Variants in GGT5 observed in about 807,000 individuals in gnomAD.
The protein encoded by GGT5 is gamma-glutamyltransferase 5, also known as glutathione hydrolase 5 proenzyme.
In GGT5, 50 loss-of-function variants were observed where a neutral mutation model predicts 58.1. That is an observed-to-expected ratio of 0.86 (90% confidence interval 0.69 to 1.09). GGT5 has a LOEUF of 1.09. Ranked by LOEUF, GGT5 falls within the 50% of genes least tolerant of loss-of-function variation. GGT5 has a pLI of 0.00. For missense variants in GGT5, 800 were observed against 789.4 expected (o/e 1.01, Z -0.16); for synonymous variants, 370 against 346.1 (o/e 1.07, Z -0.77).
intron 6 of GGT5, among the ~76,000 whole-genome samples, chr22:24,230,976 G>A (rs565007914): frequency 5.4e-4 from 82 of 152,304 alleles, no homozygotes; most frequent in Middle Eastern, 3.4e-3. Flanking sequence ...TTAAGCCAGC[G>A]CAGGCAGCCC....
chr22:24,236,566 A>G (rs1186274092), intron 1 of GGT5, among the ~76,000 whole-genome samples: 1 of 152,076 alleles, frequency 6.6e-6, no homozygotes, highest in East Asian at 1.9e-4. Context: ...GATTGAGACC[A>G]TCCTGGCTAA....
At chr22:24,233,692 C>T in intron 2 of GGT5, 99 bp from the exon 3 acceptor site, 2 of 871,974 alleles carry the variant, frequency 2.3e-6, no homozygotes, top group Non-Finnish European at 3.6e-6. Context: ...GAGATGGACT[C>T]TGGGCTAACA....
chr22:24,222,906 T>A (rs7286276), intron 11 of GGT5, among the ~76,000 whole-genome samples: 2 of 151,272 alleles, frequency 1.3e-5, no homozygotes, highest in East Asian at 3.9e-4. Flanking sequence ...TGAAACCCTG[T>A]CTCTACTAAA....
chr22:24,232,826 A>T lies in GGT5; in HGVS notation c.593T>A (p.Leu198Gln). The T allele has an allele frequency of 6.6e-7, 1 of 1,517,342 alleles. No homozygotes were observed. Among genetic ancestry groups the T allele is most frequent in the Non-Finnish European group, 8.9e-7 (1 of 1,126,822 alleles). 94.0% of individuals were successfully genotyped at this position (1,517,342 alleles called of 1,614,324 possible). ...AGGGCCACCATGTGGGGCTCACCGC[A>T]GGGTTGACGCCTGCAAGGAAGGCCG... ...ILRPSLQAST[L>Q]RQLFFNGTEP... Residue 198 changes from leucine (L) to glutamine (Q), a missense_variant, in exon 4 of 12, where the codon CTG becomes CAG. Leu to Gln is a moderately radical substitution (Grantham distance 113). Coordinates refer to ENST00000327365, the MANE Select transcript of GGT5 (RefSeq NM_004121.5).
chr22:24,225,509 G>C (rs370949394), intron 9 of GGT5, 37 bp downstream of exon 9: 1 of 1,575,706 alleles, frequency 6.3e-7, no homozygotes, highest in Non-Finnish European at 8.7e-7. Context: ...CTGGTGGGGG[G>C]CCCTTGTGGA....
At chr22:24,240,080 CCTCT>C (rs1243191767) in intron 1 of GGT5, among the ~76,000 whole-genome samples, 2 of 152,006 alleles carry the variant, frequency 1.3e-5, no homozygotes, top group Non-Finnish European at 2.9e-5. Flanking sequence ...AGCAAGACTC[CCTCT>C]ATCTCAAGAA....
At position 24,244,738 on chromosome 22, in the gene GGT5, CAGG is replaced by C; in HGVS notation, c.-16_-14del. 2 of 1,597,940 alleles carry C rather than the reference CAGG, an allele frequency of 1.3e-6. No individual in the cohort carries two copies. Among genetic ancestry groups the C allele is most frequent in the Non-Finnish European group, 1.7e-6 (2 of 1,170,894 alleles). ...AGCCCCGGGCCATGGCTCTGCAGCC[CAGG>C]AGGAGAGGGGCGGCTGGTGGGCAGA... On this transcript the variant is annotated 5_prime_UTR_variant, in exon 1 of 12. Coordinates refer to ENST00000327365, the MANE Select transcript of GGT5 (RefSeq NM_004121.5).
At chr22:24,235,540 G>A (rs535993390) in intron 1 of GGT5, among the ~76,000 whole-genome samples, 1 of 152,244 alleles carries the variant, frequency 6.6e-6, no homozygotes, top group South Asian at 2.1e-4. Flanking sequence ...TGAGCCACAT[G>A]TCCCTCTCTG....
chr22:24,224,641 T>C (rs1245194366), intron 11 of GGT5, among the ~76,000 whole-genome samples: 1 of 152,126 alleles, frequency 6.6e-6, no homozygotes, highest in Non-Finnish European at 1.5e-5. Context: ...TTGCAAATAT[T>C]AGTTACAAAT....
intron 6 of GGT5, among the ~76,000 whole-genome samples, chr22:24,228,715 G>A (rs1410672386): frequency 6.6e-6 from 1 of 152,066 alleles, no homozygotes; most frequent in African/African-American, 2.4e-5. Context: ...CTCCCAAAGT[G>A]CTGGGATTAC....
At chr22:24,239,991 C>G (rs920275178) in intron 1 of GGT5, among the ~76,000 whole-genome samples, 1 of 152,164 alleles carries the variant, frequency 6.6e-6, no homozygotes, top group Non-Finnish European at 1.5e-5. Flanking sequence ...GAGACTGAGA[C>G]AGGAGAATTG....
chr22:24,229,687 A>T lies in GGT5; in HGVS notation c.901+1697T>A, dbSNP rs143467905. On this transcript the variant is annotated intron_variant, in intron 6 of 11. Coordinates refer to ENST00000327365, the MANE Select transcript of GGT5 (RefSeq NM_004121.5). The stretch of plus-strand genomic sequence containing the variant: ...TCTCTACTAAAAAAATAAAATAAAT[A>T]AATAAATTAATTAATTAACCAGGCT... Among the ~76,000 whole-genome samples the T allele has an allele frequency of 9.0e-3, 1,363 of 150,856 alleles. 10 individuals are homozygous for T. The highest frequency in any genetic ancestry group is 0.013 in the Non-Finnish European group (896 of 67,732).
At position 24,228,072 on chromosome 22, in the gene GGT5, CA is replaced by C. The variant is rs1183981939; in HGVS notation, c.902-1306del. ...TCAAAAAAAAAAAAAAAAAACAAAA[CA>C]AAAAAAAAAAAACTCTGAAAAATAG... On this transcript the variant is annotated intron_variant, in intron 6 of 11. Coordinates refer to ENST00000327365, the MANE Select transcript of GGT5 (RefSeq NM_004121.5). 1.8e-3 allele frequency among the ~76,000 whole-genome samples: 93 copies of C among 51,866 alleles called. 3 individuals carry two copies. In the East Asian group the frequency reaches 0.025, roughly 14 times the overall value. 34.0% of individuals were successfully genotyped at this position (51,866 alleles called of 152,430 possible). A position where few individuals can be genotyped will look rare whatever the true frequency, so the allele number is the denominator to read the frequency against.
chr22:24,220,687 G>C (rs1601362376), intron 11 of GGT5: 2 of 455,386 alleles, frequency 4.4e-6, no homozygotes. Flanking sequence ...CTTGAGGCCA[G>C]GAGTTTGAGA....
At chr22:24,225,717 C>A in intron 8 of GGT5, 65 bp from the exon 9 acceptor site, 1 of 959,618 alleles carries the variant, frequency 1.0e-6, no homozygotes. Context: ...ACCACTTACC[C>A]TGCACGCTTT....
rs1273239063 is a variant in GGT5 at position 24,228,048 on chromosome 22, C to CAAAAAAAAAAAAAAAAAAAAAAAAAA, written c.902-1282_902-1281insTTTTTTTTTTTTTTTTTTTTTTTTTT. 4.1e-4 allele frequency among the ~76,000 whole-genome samples: 9 copies of CAAAAAAAAAAAAAAAAAAAAAAAAAA among 22,070 alleles called. 2 individuals carry two copies. Among genetic ancestry groups the CAAAAAAAAAAAAAAAAAAAAAAAAAA allele is most frequent in the Non-Finnish European group, 7.1e-4 (8 of 11,206 alleles). The allele number at this position is 22,070 out of a possible 152,430, so 14.5% of individuals were successfully genotyped here. ...TAGTAAACAGAGCAAGACTCTGTCTCAAAAAAAAAAAAAAAAAACAAAACA... is the reference window on the plus strand; with the variant it reads ...TAGTAAACAGAGCAAGACTCTGTCTCAAAAAAAAAAAAAAAAAAAAAAAAAAAAAAAAAAAAAAAAAAAACAAAACA... On this transcript the variant is annotated intron_variant, in intron 6 of 11. Transcript: ENST00000327365.
At chr22:24,228,367 G>T (rs2047838250) in intron 6 of GGT5, among the ~76,000 whole-genome samples, 1 of 151,866 alleles carries the variant, frequency 6.6e-6, no homozygotes, top group South Asian at 2.1e-4. Flanking sequence ...CTTCTGCAAA[G>T]ACATCTGCCC....
chr22:24,233,130 C>T (rs1485604112), intron 3 of GGT5, 112 bp from the exon 4 acceptor site: 1 of 816,330 alleles, frequency 1.2e-6, no homozygotes, highest in Non-Finnish European at 1.8e-6. Flanking sequence ...CTTTCTGGAG[C>T]CCACACCCGA....
intron 7 of GGT5, 40 bp downstream of exon 7, chr22:24,226,591 G>C (rs369718082): frequency 6.2e-7 from 1 of 1,607,784 alleles, no homozygotes; most frequent in South Asian, 1.1e-5. Flanking sequence ...GAGCCAGGGA[G>C]GAGGACGGCC....
Sources: gnomAD v4.1 joint callset for allele counts (sites outside exome capture counted in the v4.1 genomes callset) on GRCh38, gnomAD v4.1.1 for gene constraint, MANE v1.5 for transcripts, NCBI Gene and HGNC (gene_info 2026-07-23, HGNC 2026-07-21) for gene names.